PRKCH: variants seen among roughly 807,000 people sequenced by gnomAD.
The protein encoded by PRKCH is protein kinase C eta.
A neutral mutation model predicts 82.5 loss-of-function variants in PRKCH; 28 were observed. The ratio of observed to expected loss-of-function variants is 0.34; its 90% CI spans 0.25 to 0.47. The LOEUF (loss-of-function observed/expected upper bound fraction) is 0.47. PRKCH is among the 20% of genes least tolerant of loss of function. The pLI is 1.00. For synonymous variants in PRKCH, 322 were observed against 327.4 expected (o/e 0.98, Z 0.18); for missense variants, 705 against 881.8 (o/e 0.80, Z 2.54).
chr14:61,246,171 C>T (rs1455480317), intron 1 of PRKCH, among the ~76,000 whole-genome samples: 7 of 151,360 alleles, frequency 4.6e-5, no homozygotes, highest in Admixed American at 2.0e-4. Context: ...TTTGGGAGGC[C>T]GAGGCGAGTG....
intron 9 of PRKCH, among the ~76,000 whole-genome samples, chr14:61,471,832 G>C (rs553474112): frequency 1.5e-4 from 23 of 152,004 alleles, no homozygotes; most frequent in African/African-American, 5.3e-4. Context: ...TGGTTCCCAG[G>C]GGGGAAGAAT....
At chr14:61,337,084 A>T (rs2045867034) in intron 1 of PRKCH, among the ~76,000 whole-genome samples, 1 of 151,522 alleles carries the variant, frequency 6.6e-6, no homozygotes, top group Admixed American at 6.6e-5. Context: ...AAAAAAAAAA[A>T]AAAAAAAGTA....
At chr14:61,493,431 C>T (rs1016330192) in intron 10 of PRKCH, among the ~76,000 whole-genome samples, 2 of 152,184 alleles carry the variant, frequency 1.3e-5, no homozygotes, top group African/African-American at 4.8e-5. Flanking sequence ...TAAGGGGCCT[C>T]CTGGAATTCC....
At chr14:61,533,095 G>A (rs530922799) in intron 12 of PRKCH, among the ~76,000 whole-genome samples, 1 of 152,284 alleles carries the variant, frequency 6.6e-6, no homozygotes, top group African/African-American at 2.4e-5. Context: ...GAGCCTCTGT[G>A]CCTCTCTGAA....
chr14:61,356,607 A>T (rs937628209), intron 1 of PRKCH, among the ~76,000 whole-genome samples: 6 of 152,142 alleles, frequency 3.9e-5, no homozygotes, highest in African/African-American at 1.2e-4. Flanking sequence ...TGTTATTTTG[A>T]TAATTTATTA....
intron 1 of PRKCH, among the ~76,000 whole-genome samples, chr14:61,380,522 G>T (rs140530091): frequency 6.6e-6 from 1 of 152,298 alleles, no homozygotes; most frequent in Non-Finnish European, 1.5e-5. Flanking sequence ...TCCATTAGGA[G>T]CACCAGAAGC....
At chr14:61,318,011 T>C (rs1053234372), upstream of PRKCH, among the ~76,000 whole-genome samples, 3 of 152,146 alleles carry the variant, frequency 2.0e-5, no homozygotes, top group Non-Finnish European at 2.9e-5. Flanking sequence ...AAGTTTTGAA[T>C]TGAGCTCTTC....
intron 2 of PRKCH, among the ~76,000 whole-genome samples, chr14:61,432,103 T>G (rs577714492): frequency 3.3e-5 from 5 of 151,620 alleles, no homozygotes; most frequent in African/African-American, 1.2e-4. Flanking sequence ...ACTTGGAATT[T>G]TAACATGTCT....
chr14:61,461,007 G>A (rs1334675044), intron 9 of PRKCH, among the ~76,000 whole-genome samples: 1 of 152,026 alleles, frequency 6.6e-6, no homozygotes. Context: ...GGACTCCCAC[G>A]CCACCCCAGC....
At chr14:61,374,150 A>T (rs912363139) in intron 1 of PRKCH, among the ~76,000 whole-genome samples, 1 of 152,168 alleles carries the variant, frequency 6.6e-6, no homozygotes, top group African/African-American at 2.4e-5. Context: ...ATTAAATCTT[A>T]AAGCTCCAAA....
upstream of PRKCH, among the ~76,000 whole-genome samples, chr14:61,320,282 G>T (rs573171283): frequency 4.6e-5 from 7 of 152,328 alleles, no homozygotes; most frequent in East Asian, 1.4e-3. Flanking sequence ...TAGCAAGACA[G>T]AATGTAATCA....
At chr14:61,528,520 G>T (rs1379019020) in intron 10 of PRKCH, among the ~76,000 whole-genome samples, 1 of 152,122 alleles carries the variant, frequency 6.6e-6, no homozygotes, top group Admixed American at 6.5e-5. Flanking sequence ...AGGCATAATG[G>T]CGCCAGGCAT....
intron 1 of PRKCH, among the ~76,000 whole-genome samples, chr14:61,293,976 G>A (rs756728933): frequency 6.6e-6 from 1 of 152,046 alleles, no homozygotes; most frequent in Non-Finnish European, 1.5e-5. Flanking sequence ...TCCCACTAAC[G>A]TGGCTACACT....
intron 4 of PRKCH, among the ~76,000 whole-genome samples, chr14:61,446,989 A>G (rs939835351): frequency 6.6e-6 from 1 of 152,244 alleles, no homozygotes; most frequent in South Asian, 2.1e-4. Context: ...AGGGAAGACT[A>G]TTAGTTAGGA....
At chr14:61,372,508 A>C (rs1214076497) in intron 1 of PRKCH, among the ~76,000 whole-genome samples, 1 of 152,004 alleles carries the variant, frequency 6.6e-6, no homozygotes, top group African/African-American at 2.4e-5. Context: ...CCTACCACCC[A>C]CCATCCATTT....
chr14:61,521,200 G>T (rs891681068), intron 10 of PRKCH, among the ~76,000 whole-genome samples: 3 of 152,122 alleles, frequency 2.0e-5, no homozygotes, highest in Non-Finnish European at 4.4e-5. Flanking sequence ...TTTCAGGAAT[G>T]ATCAATTTTA....
chr14:61,479,102 T>G (rs1233779257), intron 9 of PRKCH, among the ~76,000 whole-genome samples: 1 of 152,158 alleles, frequency 6.6e-6, no homozygotes, highest in East Asian at 1.9e-4. Context: ...TCACTCACCC[T>G]CCCTGATCTC....
At chr14:61,445,294 G>A (rs1884167064) in intron 3 of PRKCH, among the ~76,000 whole-genome samples, 1 of 152,356 alleles carries the variant, frequency 6.6e-6, no homozygotes, top group African/African-American at 2.4e-5. Context: ...AGACTCATCT[G>A]TGCACTTCCA....
chr14:61,363,152 G>A (rs1413710862), intron 1 of PRKCH, among the ~76,000 whole-genome samples: 1 of 152,198 alleles, frequency 6.6e-6, no homozygotes, highest in Non-Finnish European at 1.5e-5. Context: ...TAAAGCATAA[G>A]GGTGGGAATC....
Sources: gnomAD v4.1 joint callset for allele counts (sites outside exome capture counted in the v4.1 genomes callset) on GRCh38, gnomAD v4.1.1 for gene constraint, MANE v1.5 for transcripts, NCBI Gene and HGNC (gene_info 2026-07-23, HGNC 2026-07-21) for gene names.